Variants in SETDB2 observed in about 807,000 individuals in gnomAD.
SETDB2 encodes the protein SET domain bifurcated histone lysine methyltransferase 2.
Under a neutral mutation model 82.5 loss-of-function variants are expected in SETDB2, and 56 were observed. The observed-to-expected ratio is 0.68, with a 90% confidence interval of 0.55 to 0.85. The LOEUF (loss-of-function observed/expected upper bound fraction) is 0.85, where lower values mean the gene tolerates loss of function less well. Among genes scored for constraint, SETDB2 ranks in the 40% least tolerant of loss-of-function variants. The pLI is 0.00. For synonymous variants in SETDB2, 272 were observed against 284.9 expected (o/e 0.95, Z 0.46); for missense variants, 677 against 816.4 (o/e 0.83, Z 2.08).
At chr13:49,453,627 C>T (rs73188659) in intron 2 of SETDB2, among the ~76,000 whole-genome samples, 3,643 of 152,118 alleles carry the variant, frequency 0.024, 56 homozygotes, top group South Asian at 0.046. Context: ...TTTGATATAC[C>T]GTCATCAGTG....
intron 12 of SETDB2, among the ~76,000 whole-genome samples, chr13:49,489,956 T>C (rs1958678732): frequency 7.7e-6 from 1 of 129,700 alleles, no homozygotes; most frequent in Non-Finnish European, 1.6e-5. Flanking sequence ...TTATATTCAC[T>C]GTTCTATACT....
At chr13:49,477,143 A>G (rs907747154) in intron 6 of SETDB2, 104 bp downstream of exon 6, 6 of 1,100,540 alleles carry the variant, frequency 5.5e-6, no homozygotes, top group Non-Finnish European at 7.5e-6. Context: ...CCTGTTCAAG[A>G]GTTACAGTAA....
intron 2 of SETDB2, among the ~76,000 whole-genome samples, chr13:49,456,491 G>A (rs1957884742): frequency 6.6e-6 from 1 of 152,032 alleles, no homozygotes; most frequent in African/African-American, 2.4e-5. Flanking sequence ...AGATAATAAA[G>A]TTACCAGATG....
chr13:49,475,458 C>G (rs917380593), intron 5 of SETDB2, among the ~76,000 whole-genome samples: 1 of 151,602 alleles, frequency 6.6e-6, no homozygotes, highest in Non-Finnish European at 1.5e-5. Flanking sequence ...AAGTTTAAAA[C>G]TTGATTTCCA....
At position 49,444,315 on chromosome 13, in the gene SETDB2, G is replaced by C. The variant is rs556539938; in HGVS notation, c.-884G>C. ...CTCATCCCCGGTAGAGGCAGGGCGG[G>C]ACTGTTGTGGTTGAGATGAAGGCTA... On this transcript the variant is annotated 5_prime_UTR_variant, in exon 1 of 14. Coordinates refer to ENST00000611815, the MANE Select transcript of SETDB2 (RefSeq NM_001160308.3). 1 of 311,044 alleles carries C rather than the reference G, an allele frequency of 3.2e-6. No individual in the cohort carries two copies. Among genetic ancestry groups the C allele is most frequent in the East Asian group, 9.9e-5 (1 of 10,064 alleles). The allele number at this position is 311,044 out of a possible 1,614,324, so 19.3% of individuals were successfully genotyped here.
Position 49,490,911 on chromosome 13 carries a change from G to A in SETDB2, c.2006+1G>A. On this transcript the variant is annotated splice_donor_variant, in intron 13 of 13. Coordinates refer to ENST00000611815, the MANE Select transcript of SETDB2 (RefSeq NM_001160308.3). LOFTEE classifies it high-confidence loss of function. Reference sequence around the variant, plus strand: ...CATTGGTGGCATTCTTCACCAACAGGTTTGAAATTGATTTCGCTTACTTAA... The same window carrying A: ...CATTGGTGGCATTCTTCACCAACAGATTTGAAATTGATTTCGCTTACTTAA... The A allele has an allele frequency of 1.2e-6, 2 of 1,609,900 alleles. No individual in the cohort carries two copies. The highest frequency in any genetic ancestry group is 1.7e-6 in the Non-Finnish European group (2 of 1,176,686).
chr13:49,471,518 G>A (rs1464655731), intron 5 of SETDB2, among the ~76,000 whole-genome samples: 2 of 150,238 alleles, frequency 1.3e-5, no homozygotes, highest in African/African-American at 4.9e-5. Flanking sequence ...AGAAGTGTAC[G>A]AGGTGTGCAG....
chr13:49,449,245 A>G (rs1375628837), intron 1 of SETDB2, among the ~76,000 whole-genome samples: 1 of 151,882 alleles, frequency 6.6e-6, no homozygotes, highest in African/African-American at 2.4e-5. Context: ...TATCTTTTAT[A>G]TCTTATTTTT....
rs764110278 is a variant in SETDB2, at chr13:49,482,758, A to T, written c.1178A>T (p.Asn393Ile). Residue 393 changes from asparagine (N) to isoleucine (I), a missense_variant, in exon 9 of 14, where the codon AAC becomes ATC. Asn to Ile is a moderately radical substitution (Grantham distance 149, BLOSUM62 -3). Around this residue, in one of 3 missense-constraint regions of SETDB2, gnomAD observed 420 missense variants for 554.6 expected, o/e 0.76. Transcript: ENST00000611815. ...IYSGRLLSRA[N>I]TEKSYGIDEN... ...TTAGGAAGATTACTAAGCAGAGCTA[A>T]CACTGAAAAATCTTATGGTATTGAT... is the stretch of plus-strand genomic sequence containing the variant. 1 of 1,611,128 alleles carries T rather than the reference A, an allele frequency of 6.2e-7. No individual in the cohort carries two copies. The highest frequency in any genetic ancestry group is 1.3e-5 in the African/African-American group (1 of 74,892).
Position 49,490,904 on chromosome 13 carries a change from C to T in SETDB2, c.2000C>T (p.Thr667Ile). ...AATTTTCCATTGGTGGCATTCTTCA[C>T]CAACAGGTTTGAAATTGATTTCGCT... ...NRNFPLVAFF[T>I]NRYVKARTEL... Residue 667 changes from threonine (T) to isoleucine (I), a missense_variant, in exon 13 of 14, where the codon ACC (threonine) becomes ATC (isoleucine). Physicochemically the swap from Thr to Ile is moderately conservative, Grantham distance 89. Transcript: ENST00000611815. The T allele has an allele frequency of 6.2e-7, 1 of 1,612,016 alleles. No homozygotes were observed. Among genetic ancestry groups the T allele is most frequent in the Non-Finnish European group, 8.5e-7 (1 of 1,178,438 alleles).
Position 49,448,629 on chromosome 13 carries a change from C to T in SETDB2, c.-341-2924C>T, listed in dbSNP as rs186080741. 1.7e-3 allele frequency among the ~76,000 whole-genome samples: 252 copies of T among 152,272 alleles called. 1 individual carries two copies. Among genetic ancestry groups the T allele is most frequent in the African/African-American group, 5.9e-3 (246 of 41,572 alleles). On this transcript the variant is annotated intron_variant, in intron 1 of 13. Coordinates refer to ENST00000611815, the MANE Select transcript of SETDB2 (RefSeq NM_001160308.3). ...TGATTTACTACATTCAGTGACTATGCTCTGTGTAAACAGTCTTTTGGAATT... is the reference window on the plus strand; with the variant it reads ...TGATTTACTACATTCAGTGACTATGTTCTGTGTAAACAGTCTTTTGGAATT...
rs1200765121 is a variant in SETDB2 at position 49,460,234 on chromosome 13, T to C, written c.142+2T>C. On this transcript the variant is annotated splice_donor_variant, in intron 3 of 13. Transcript: ENST00000611815. LOFTEE classifies it high-confidence loss of function. ...AAGATGGGTCTGCCACCAATAAAGG[T>C]ATGAAGCAATAAAAACTTTGAATAT... 4.3e-6 allele frequency: 7 copies of C among 1,610,702 alleles called. No homozygotes were observed. Among genetic ancestry groups the C allele is most frequent in the Non-Finnish European group, 5.9e-6 (7 of 1,179,102 alleles).
Position 49,488,407 on chromosome 13 carries a change from C to A in SETDB2, c.1694C>A (p.Ala565Glu). Residue 565 changes from alanine to glutamate, a missense_variant, in exon 12 of 14, where the codon GCG (alanine) becomes GAG (glutamate). By Grantham distance (107) the Ala-to-Glu change is moderately radical. Coordinates refer to ENST00000611815, the MANE Select transcript of SETDB2 (RefSeq NM_001160308.3). Reference protein sequence around the residue: ...ETPPRSRCNQATTLDNQNIKK... With the variant: ...ETPPRSRCNQETTLDNQNIKK... ...CCACCAAGGAGCAGATGTAACCAGGCGACCACATTGGATAATCAGAATATT... is the reference window on the plus strand; with the variant it reads ...CCACCAAGGAGCAGATGTAACCAGGAGACCACATTGGATAATCAGAATATT... The A allele has an allele frequency of 6.2e-7, 1 of 1,613,938 alleles. No individual in the cohort carries two copies. The highest frequency in any genetic ancestry group is 8.5e-7 in the Non-Finnish European group (1 of 1,179,968).
intron 4 of SETDB2, among the ~76,000 whole-genome samples, chr13:49,466,153 A>C (rs1958109548): frequency 6.6e-6 from 1 of 152,134 alleles, no homozygotes. Flanking sequence ...GGGAGTCTTG[A>C]CTGGGCGTGG....
intron 2 of SETDB2, among the ~76,000 whole-genome samples, chr13:49,453,953 C>T (rs904733405): frequency 5.9e-5 from 9 of 152,134 alleles, no homozygotes; most frequent in Non-Finnish European, 8.8e-5. Flanking sequence ...CTGCCTTAAG[C>T]TAACCATGAA....
At chr13:49,471,073 G>A (rs865994409) in intron 5 of SETDB2, among the ~76,000 whole-genome samples, 1 of 147,252 alleles carries the variant, frequency 6.8e-6, no homozygotes, top group African/African-American at 2.5e-5. Flanking sequence ...AAGCTCAAGC[G>A]ATCCTTCCTC....
chr13:49,474,514 A>T (rs555675650), intron 5 of SETDB2, among the ~76,000 whole-genome samples: 1 of 152,346 alleles, frequency 6.6e-6, no homozygotes, highest in South Asian at 2.1e-4. Context: ...CAGTATCTTT[A>T]CGTGTATGAA....
chr13:49,463,945 A>G (rs994286770), intron 4 of SETDB2: 4 of 708,142 alleles, frequency 5.6e-6, no homozygotes, highest in South Asian at 1.5e-5. Context: ...TGCCTCTGGG[A>G]TAAGTCATCC....
At chr13:49,464,704 A>G (rs9535249) in intron 4 of SETDB2, among the ~76,000 whole-genome samples, 112,374 of 152,062 alleles carry the variant, frequency 0.74, 41,979 homozygotes, top group African/African-American at 0.83. Context: ...TTAAGTAAAC[A>G]GTTGGGGAGA....
Sources: gnomAD v4.1 joint callset for allele counts (sites outside exome capture counted in the v4.1 genomes callset) on GRCh38, gnomAD v4.1.1 for gene constraint, gnomAD v4.1.1 regional missense constraint, MANE v1.5 for transcripts, NCBI Gene and HGNC (gene_info 2026-07-23, HGNC 2026-07-21) for gene names.